Variants in LHFPL3 observed in about 807,000 individuals in gnomAD.
The protein encoded by LHFPL3 is LHFPL tetraspan subfamily member 3 protein.
A neutral mutation model predicts 19.3 loss-of-function variants in LHFPL3; 5 were observed. The observed-to-expected ratio is 0.26, with a 90% CI of 0.14 to 0.54. LHFPL3 has a LOEUF of 0.54. Ranked by LOEUF, LHFPL3 falls within the 20% of genes least tolerant of loss-of-function variation. The pLI, the probability that LHFPL3 is intolerant of heterozygous loss-of-function variation, is 0.94. For missense variants in LHFPL3, 249 were observed against 307.4 expected (o/e 0.81, Z 1.42); for synonymous variants, 133 against 126.2 (o/e 1.05, Z -0.36).
chr7:104,477,268 G>A (rs1793040165), intron 1 of LHFPL3, among the ~76,000 whole-genome samples: 1 of 152,184 alleles, frequency 6.6e-6, no homozygotes, highest in African/African-American at 2.4e-5. Flanking sequence ...TGGGATTGCA[G>A]GTGTGAGCCA....
intron 1 of LHFPL3, chr7:104,669,221 G>C (rs1353755959): frequency 9.3e-6 from 15 of 1,613,832 alleles, no homozygotes; most frequent in Admixed American, 1.7e-5. Flanking sequence ...CCTCCTGCTC[G>C]ATCTCAGAGC....
At chr7:104,407,816 T>C (rs1436660176) in intron 1 of LHFPL3, among the ~76,000 whole-genome samples, 1 of 152,246 alleles carries the variant, frequency 6.6e-6, no homozygotes, top group African/African-American at 2.4e-5. Context: ...GAAATAACTT[T>C]ATTTAAATTA....
chr7:104,648,091 C>T (rs1791963637), intron 1 of LHFPL3, among the ~76,000 whole-genome samples: 1 of 152,194 alleles, frequency 6.6e-6, no homozygotes, highest in African/African-American at 2.4e-5. Flanking sequence ...TGTATGTTCT[C>T]AGCTTCTTTA....
chr7:104,745,770 A>C (rs1439010017), intron 2 of LHFPL3, among the ~76,000 whole-genome samples: 1 of 152,208 alleles, frequency 6.6e-6, no homozygotes, highest in African/African-American at 2.4e-5. Context: ...GGGGTGCTGC[A>C]TGCCATAAGC....
At chr7:104,502,378 TAAG>T (rs1463481455) in intron 1 of LHFPL3, among the ~76,000 whole-genome samples, 9 of 151,360 alleles carry the variant, frequency 5.9e-5, no homozygotes, top group Non-Finnish European at 1.0e-4. Flanking sequence ...TGCTTCAGTT[TAAG>T]AAGCATAAAG....
At chr7:104,384,423 A>C (rs962096866) in intron 1 of LHFPL3, among the ~76,000 whole-genome samples, 1 of 152,108 alleles carries the variant, frequency 6.6e-6, no homozygotes. Context: ...TGCCACCAAG[A>C]ACTTGGGTCA....
At chr7:104,345,343 G>C (rs1454200568) in intron 1 of LHFPL3, among the ~76,000 whole-genome samples, 1 of 152,024 alleles carries the variant, frequency 6.6e-6, no homozygotes, top group Admixed American at 6.6e-5. Context: ...ACATTCTTCT[G>C]TCCTATAGCA....
intron 1 of LHFPL3, among the ~76,000 whole-genome samples, chr7:104,645,654 C>CTT (rs869151153): frequency 0.65 from 52,416 of 81,038 alleles, 20,402 homozygotes; most frequent in East Asian, 0.87. Flanking sequence ...ATTGGGTTTT[C>CTT]TTTTTTTTTT....
At chr7:104,424,928 G>A (rs761692739) in intron 1 of LHFPL3, among the ~76,000 whole-genome samples, 2 of 143,858 alleles carry the variant, frequency 1.4e-5, no homozygotes, top group Non-Finnish European at 3.0e-5. Flanking sequence ...CTTGCAGTGA[G>A]CGGAGATCAC....
chr7:104,470,391 C>G (rs148813443), intron 1 of LHFPL3, among the ~76,000 whole-genome samples: 2 of 152,176 alleles, frequency 1.3e-5, no homozygotes, highest in Admixed American at 1.3e-4. Flanking sequence ...TTTCCCACAT[C>G]GACCCATTCA....
chr7:104,400,080 G>A (rs1369897799), intron 1 of LHFPL3, among the ~76,000 whole-genome samples: 3 of 103,462 alleles, frequency 2.9e-5, no homozygotes, highest in South Asian at 3.7e-4. Flanking sequence ...CTCCAGCCTG[G>A]GTGACAAGAT....
intron 1 of LHFPL3, among the ~76,000 whole-genome samples, chr7:104,395,553 A>G (rs1037935123): frequency 2.0e-5 from 3 of 152,154 alleles, no homozygotes; most frequent in African/African-American, 7.2e-5. Context: ...AATTTTATGT[A>G]TTTGGTTATC....
chr7:104,793,521 G>C (rs1790062930), intron 2 of LHFPL3, among the ~76,000 whole-genome samples: 2 of 152,066 alleles, frequency 1.3e-5, no homozygotes, highest in Admixed American at 1.3e-4. Context: ...AATATGTCAG[G>C]GTAAAAATCA....
At chr7:104,629,471 T>G (rs1162580387) in intron 1 of LHFPL3, among the ~76,000 whole-genome samples, 1 of 152,036 alleles carries the variant, frequency 6.6e-6, no homozygotes, top group Non-Finnish European at 1.5e-5. Context: ...ATTTATAGAG[T>G]AGGTAGCAGC....
At chr7:104,564,492 C>T (rs1790080794) in intron 1 of LHFPL3, among the ~76,000 whole-genome samples, 1 of 152,100 alleles carries the variant, frequency 6.6e-6, no homozygotes, top group Non-Finnish European at 1.5e-5. Flanking sequence ...CAAAGGATAC[C>T]ACATATTTGA....
At chr7:104,569,752 G>A (rs1457160109) in intron 1 of LHFPL3, among the ~76,000 whole-genome samples, 5 of 152,184 alleles carry the variant, frequency 3.3e-5, no homozygotes, top group Admixed American at 1.3e-4. Flanking sequence ...TGGATTCTAC[G>A]GATTCCCTGT....
intron 2 of LHFPL3, among the ~76,000 whole-genome samples, chr7:104,776,703 T>G (rs1375093597): frequency 6.6e-6 from 1 of 152,256 alleles, no homozygotes; most frequent in Non-Finnish European, 1.5e-5. Flanking sequence ...GTATTCATAC[T>G]GGCATATAGA....
At chr7:104,740,100 G>A (rs113380269) in intron 2 of LHFPL3, among the ~76,000 whole-genome samples, 3,864 of 152,120 alleles carry the variant, frequency 0.025, 73 homozygotes, top group Non-Finnish European at 0.038. Context: ...CATTTCCCCC[G>A]CTGGCACTTC....
intron 1 of LHFPL3, among the ~76,000 whole-genome samples, chr7:104,497,030 G>A (rs1793495171): frequency 6.6e-6 from 1 of 152,054 alleles, no homozygotes; most frequent in Admixed American, 6.6e-5. Context: ...GCCCTAAATA[G>A]CCCTTGTCTT....
Sources: gnomAD v4.1 joint callset for allele counts (sites outside exome capture counted in the v4.1 genomes callset) on GRCh38, gnomAD v4.1.1 for gene constraint, MANE v1.5 for transcripts, NCBI Gene and HGNC (gene_info 2026-07-23, HGNC 2026-07-21) for gene names.